The following GPRC6A variants were observed in gnomAD, a reference collection of about 807,000 sequenced individuals.
GPRC6A encodes G protein-coupled receptor family C group 6 member A.
GPRC6A carries 54 observed loss-of-function variants against 47.0 expected under a neutral mutation model. That is an observed-to-expected ratio of 1.15 (90% CI 0.92 to 1.44). The LOEUF is 1.44. GPRC6A is among the 40% of genes most tolerant of loss of function. The pLI, the probability that GPRC6A is intolerant of heterozygous loss-of-function variation, is 0.00. For missense variants in GPRC6A, 1,112 were observed against 1,105.5 expected, an observed-to-expected ratio of 1.01 and a Z score of -0.08; for synonymous variants, 347 against 377.1, an observed-to-expected ratio of 0.92 and a Z score of 0.93.
chr6:116,828,633 C>A (rs1773743699), intron 1 of GPRC6A, among the ~76,000 whole-genome samples, 187 bp downstream of exon 1: 1 of 151,980 alleles, frequency 6.6e-6, no homozygotes, highest in African/African-American at 2.4e-5. Flanking sequence ...GAGGTTGTTT[C>A]ATTATACATA....
At chr6:116,815,346 G>A (rs1028554721) in intron 1 of GPRC6A, among the ~76,000 whole-genome samples, 2 of 152,136 alleles carry the variant, frequency 1.3e-5, no homozygotes, top group East Asian at 3.8e-4. Context: ...AGCTAGGCAT[G>A]GTGGTACACA....
chr6:116,808,729 G>A (rs1268638837), intron 2 of GPRC6A, among the ~76,000 whole-genome samples: 3 of 152,014 alleles, frequency 2.0e-5, no homozygotes, highest in East Asian at 1.9e-4. Context: ...AATCAGTGAC[G>A]TAGAGAGTTA....
intron 5 of GPRC6A, 91 bp downstream of exon 5, chr6:116,795,621 C>T (rs1377188047): frequency 7.2e-6 from 8 of 1,110,658 alleles, no homozygotes; most frequent in South Asian, 2.6e-5. Flanking sequence ...TAAATTTTTT[C>T]AAATGAAAAA....
At chr6:116,808,298 C>T (rs1362157341) in intron 2 of GPRC6A, among the ~76,000 whole-genome samples, 1 of 152,110 alleles carries the variant, frequency 6.6e-6, no homozygotes, top group East Asian at 1.9e-4. Context: ...AGAATGTCCC[C>T]TTACCTTTTC....
chr6:116,795,988 T>C (rs1327061754), intron 4 of GPRC6A, among the ~76,000 whole-genome samples, 153 bp from the exon 5 acceptor site: 2 of 152,174 alleles, frequency 1.3e-5, no homozygotes, highest in Non-Finnish European at 2.9e-5. Context: ...TCGTGGGAAA[T>C]GTAAACAGGA....
Position 116,814,411 on chromosome 6 carries a change from G to A in GPRC6A, c.195-4794C>T, listed in dbSNP as rs534101062. Among the ~76,000 whole-genome samples, 5 of 152,238 alleles carry A rather than the reference G, an allele frequency of 3.3e-5. No individual in the cohort carries two copies. In the East Asian group the frequency reaches 9.7e-4, roughly 29 times the overall value. ...AAATGTGGCACATATACACCATGGA[G>A]TACTATGCAGCCATAAAAAGGATGA... On this transcript the variant is annotated intron_variant, in intron 1 of 5. Transcript: ENST00000310357.
chr6:116,793,148 G>C lies in GPRC6A; in HGVS notation c.1775C>G (p.Ser592Cys), dbSNP rs1236787324. ...KEVEYLNWND[S>C]LAILLLILSL... is the part of the protein sequence containing the mutation. Reference sequence around the variant, plus strand: ...GAGAATCAGGAGTAGGATGGCCAAGGAGTCATTCCAGTTGAGATATTCCAC... The same window carrying C: ...GAGAATCAGGAGTAGGATGGCCAAGCAGTCATTCCAGTTGAGATATTCCAC... The change falls in exon 6 of 6, where the codon TCC becomes TGC. Residue 592 changes from serine (S) to cysteine (C), a missense_variant. Coordinates refer to ENST00000310357, the MANE Select transcript of GPRC6A (RefSeq NM_148963.4). The C allele has an allele frequency of 1.9e-5, 30 of 1,613,706 alleles. No individual in the cohort carries two copies. The highest frequency in any genetic ancestry group is 2.5e-5 in the Non-Finnish European group (29 of 1,179,672).
intron 5 of GPRC6A, among the ~76,000 whole-genome samples, chr6:116,794,371 G>A (rs1163027525): frequency 3.3e-5 from 5 of 152,122 alleles, no homozygotes; most frequent in South Asian, 4.1e-4. Context: ...TCGTCCAGTG[G>A]ACATTTAATG....
chr6:116,795,675 G>C (rs377101338), intron 5 of GPRC6A, 37 bp downstream of exon 5: 93 of 1,469,532 alleles, frequency 6.3e-5, no homozygotes, highest in Non-Finnish European at 7.5e-5. Context: ...AAGCCTAAGA[G>C]GAATGATTCA....
At chr6:116,814,589 A>T (rs189906470) in intron 1 of GPRC6A, among the ~76,000 whole-genome samples, 1 of 152,096 alleles carries the variant, frequency 6.6e-6, no homozygotes. Context: ...AACATCACAC[A>T]CTGGGGCTTG....
intron 1 of GPRC6A, among the ~76,000 whole-genome samples, chr6:116,828,283 G>T (rs984209513): frequency 3.3e-5 from 5 of 151,966 alleles, no homozygotes; most frequent in Admixed American, 2.0e-4. Context: ...AAGCTCTCAC[G>T]ACACAAAGTG....
chr6:116,825,573 A>G (rs1773653303), intron 1 of GPRC6A, among the ~76,000 whole-genome samples: 1 of 152,024 alleles, frequency 6.6e-6, no homozygotes, highest in African/African-American at 2.4e-5. Flanking sequence ...AGAGAACACA[A>G]ATAAATGGAG....
rs1168774225 is a variant in GPRC6A at position 116,793,191 on chromosome 6, T to A, written c.1732A>T (p.Met578Leu). ...KTHWAPVRST[M>L]CFEKEVEYLN... The stretch of plus-strand genomic sequence containing the variant: ...TATTCCACTTCCTTTTCAAAGCACA[T>A]AGTGCTCCTAACAGGGGCCCAGTGA... Residue 578 changes from methionine to leucine, a missense_variant, in exon 6 of 6, where the codon ATG becomes TTG. By Grantham distance (15) the Met-to-Leu change is conservative. Coordinates refer to ENST00000310357, the MANE Select transcript of GPRC6A (RefSeq NM_148963.4). 7.4e-6 allele frequency: 12 copies of A among 1,611,594 alleles called. No individual in the cohort carries two copies. The highest frequency in any genetic ancestry group is 1.0e-5 in the Non-Finnish European group (12 of 1,178,352).
intron 1 of GPRC6A, among the ~76,000 whole-genome samples, chr6:116,826,187 C>A (rs1773670838): frequency 6.6e-6 from 1 of 151,702 alleles, no homozygotes; most frequent in Non-Finnish European, 1.5e-5. Context: ...GAAAAATAGA[C>A]AAATGGTAGT....
At chr6:116,802,514 T>C (rs955777871) in intron 3 of GPRC6A, among the ~76,000 whole-genome samples, 2 of 152,158 alleles carry the variant, frequency 1.3e-5, no homozygotes, top group Admixed American at 6.6e-5. Context: ...ATGGTTGATA[T>C]TGTTTTTCAT....
At chr6:116,800,307 CCT>C (rs1487298531) in intron 4 of GPRC6A, among the ~76,000 whole-genome samples, 1 of 120,994 alleles carries the variant, frequency 8.3e-6, no homozygotes, top group Non-Finnish European at 1.7e-5. Context: ...TCTCTCTCTC[CCT>C]TTCTTTCTTT....
chr6:116,817,078 G>A (rs1258364248), intron 1 of GPRC6A, among the ~76,000 whole-genome samples: 1 of 152,136 alleles, frequency 6.6e-6, no homozygotes, highest in Non-Finnish European at 1.5e-5. Flanking sequence ...TCCACCTCTG[G>A]GGGCAGGGCA....
intron 1 of GPRC6A, among the ~76,000 whole-genome samples, chr6:116,825,012 A>G (rs1773634744): frequency 6.6e-6 from 1 of 152,140 alleles, no homozygotes; most frequent in Admixed American, 6.6e-5. Flanking sequence ...ATAGATGTAG[A>G]AAAAGTATTT....
chr6:116,816,996 A>G (rs903423135), intron 1 of GPRC6A, among the ~76,000 whole-genome samples: 17 of 152,242 alleles, frequency 1.1e-4, no homozygotes, highest in Non-Finnish European at 2.1e-4. Flanking sequence ...GCTTAGGTAA[A>G]CAAAGCAGCC....
Sources: gnomAD v4.1 joint callset for allele counts (sites outside exome capture counted in the v4.1 genomes callset) on GRCh38, gnomAD v4.1.1 for gene constraint, MANE v1.5 for transcripts, NCBI Gene and HGNC (gene_info 2026-07-23, HGNC 2026-07-21) for gene names.